Variants in CHD8 observed in about 807,000 individuals in gnomAD.
The protein encoded by CHD8 is ATP-dependent chromatin remodeler CHD8.
In CHD8, 31 loss-of-function variants were observed where a neutral mutation model predicts 279.2. That is an observed-to-expected ratio of 0.11 (90% CI 0.08 to 0.15). The LOEUF (loss-of-function observed/expected upper bound fraction) is 0.15. CHD8 is among the 10% of genes least tolerant of loss of function. The pLI, the probability that CHD8 is intolerant of heterozygous loss-of-function variation, is 1.00. For missense variants in CHD8, 2,146 were observed against 3,230.5 expected (o/e 0.66, Z 8.14); for synonymous variants, 1,081 against 1,139.6 (o/e 0.95, Z 1.04).
At chr14:21,409,056 T>C (rs986328843) in intron 11 of CHD8, among the ~76,000 whole-genome samples, 5 of 152,348 alleles carry the variant, frequency 3.3e-5, no homozygotes, top group Admixed American at 6.5e-5. Flanking sequence ...CCACCATCTA[T>C]GAAGCAGTTA....
intron 37 of CHD8, among the ~76,000 whole-genome samples, chr14:21,387,809 CAAAAA>C (rs34063784): frequency 0.077 from 5,887 of 76,318 alleles, 121 homozygotes; most frequent in Non-Finnish European, 0.11. Flanking sequence ...CTGTCTCAAG[CAAAAA>C]AAAAAAAAAA....
rs1224550477 is a variant in CHD8, at chr14:21,391,883, C to T, written c.6835G>A (p.Gly2279Arg). ...KLMANGVMGDGHPLFHKKKGN... is the reference protein window; with the variant it reads ...KLMANGVMGDRHPLFHKKKGN... ...TTCTTCTTATGAAACAGTGGATGTC[C>T]ATCTCCCATTACTCCATTCGCCATC... Residue 2279 changes from glycine to arginine, a missense_variant, in exon 35 of 38, where the codon GGA becomes AGA. Coordinates refer to ENST00000646647, the MANE Select transcript of CHD8 (RefSeq NM_001170629.2). 6.2e-7 allele frequency: 1 copy of T among 1,613,802 alleles called. No homozygotes were observed. The highest frequency in any genetic ancestry group is 1.3e-5 in the African/African-American group (1 of 74,914).
rs560511865 is a variant in CHD8 at position 21,424,434 on chromosome 14, T to C, written c.1716+1694A>G. Among the ~76,000 whole-genome samples, 7 of 152,282 alleles carry C rather than the reference T, an allele frequency of 4.6e-5. No homozygotes were observed. The East Asian group carries it at 1.3e-3, about 29-fold the overall frequency. Reference sequence around the variant, plus strand: ...TATATTCTAAAATTTTTTTTTGGCCTCATTTTCCTTTTTAAAACTTTCTCG... The same window carrying C: ...TATATTCTAAAATTTTTTTTTGGCCCCATTTTCCTTTTTAAAACTTTCTCG... On this transcript the variant is annotated intron_variant, in intron 5 of 37. Coordinates refer to ENST00000646647, the MANE Select transcript of CHD8 (RefSeq NM_001170629.2).
chr14:21,426,414 A>C, intron 4 of CHD8, 172 bp from the exon 5 acceptor site: 1 of 576,170 alleles, frequency 1.7e-6, no homozygotes, highest in Non-Finnish European at 3.1e-6. Flanking sequence ...AGAAGATATT[A>C]GGGTTTGTAA....
rs188980402 is a variant in CHD8, at chr14:21,441,700, A to C, written c.-215-9842T>G. On this transcript the variant is annotated intron_variant, in intron 1 of 37. Coordinates refer to ENST00000646647, the MANE Select transcript of CHD8 (RefSeq NM_001170629.2). ...TCAGGAGATGGAGACCATCCTGGCT[A>C]ACACGGTGAAACCCCGTCTCTACTA... is the stretch of plus-strand genomic sequence containing the variant. Among the ~76,000 whole-genome samples, 34 of 152,112 alleles carry C rather than the reference A, an allele frequency of 2.2e-4. No homozygotes were observed. The South Asian group carries it at 6.7e-3, about 30-fold the overall frequency.
intron 1 of CHD8, among the ~76,000 whole-genome samples, chr14:21,447,822 G>A (rs1890164268): frequency 6.6e-6 from 1 of 151,958 alleles, no homozygotes. Context: ...AATCTTTGGG[G>A]AACATTAGAC....
intron 37 of CHD8, among the ~76,000 whole-genome samples, chr14:21,386,771 A>G (rs186200770): frequency 3.4e-4 from 52 of 151,812 alleles, no homozygotes; most frequent in African/African-American, 1.2e-3. Flanking sequence ...CCCGGGAGGC[A>G]GAGCTTGCAG....
At position 21,394,972 on chromosome 14, in the gene CHD8, C is replaced by T. The variant is rs1566415049; in HGVS notation, c.5330G>A (p.Arg1777Lys). Residue 1777 changes from arginine (R) to lysine (K), a missense_variant, in exon 30 of 38, where the codon AGG (arginine) becomes AAG (lysine). This residue lies in a region of CHD8 where 513 missense variants were observed against 637.6 expected (regional missense o/e 0.80). Transcript: ENST00000646647. ...CTTGAAGGCTGCTTCACAACGCCGCCTTCGCCGGTCCCCACGTTCTGCAGC... is the reference window on the plus strand; with the variant it reads ...CTTGAAGGCTGCTTCACAACGCCGCTTTCGCCGGTCCCCACGTTCTGCAGC... ...IEAAERGDRR[R>K]RRCEAAFKLK... 2 of 1,614,038 alleles carry T rather than the reference C, an allele frequency of 1.2e-6. No individual in the cohort carries two copies. The highest frequency in any genetic ancestry group is 2.2e-5 in the South Asian group (2 of 91,084).
Position 21,394,270 on chromosome 14 carries a change from T to G in CHD8, c.5599+7A>C, listed in dbSNP as rs1290945601. 2.5e-6 allele frequency: 4 copies of G among 1,613,800 alleles called. No individual in the cohort carries two copies. The highest frequency in any genetic ancestry group is 1.3e-5 in the African/African-American group (1 of 74,908). On this transcript the variant is annotated splice_region_variant and intron_variant, in intron 31 of 37. Coordinates refer to ENST00000646647, the MANE Select transcript of CHD8 (RefSeq NM_001170629.2). ...TCCATCCTCACCCACTCTGCAATCT[T>G]GCTTACCATCTCCAGCTGCTGGGGG...
At chr14:21,440,507 A>T (rs1017884739) in intron 1 of CHD8, among the ~76,000 whole-genome samples, 4 of 152,020 alleles carry the variant, frequency 2.6e-5, no homozygotes, top group Non-Finnish European at 4.4e-5. Flanking sequence ...GCATCCAGCC[A>T]AGAAAATAGT....
intron 4 of CHD8, 182 bp downstream of exon 4, chr14:21,427,687 C>T: frequency 6.6e-7 from 1 of 1,503,846 alleles, no homozygotes. Flanking sequence ...GGAGTACTCA[C>T]TTGAGCTTAC....
intron 1 of CHD8, among the ~76,000 whole-genome samples, chr14:21,432,379 C>A (rs1166114123): frequency 1.3e-5 from 2 of 152,144 alleles, no homozygotes; most frequent in South Asian, 4.1e-4. Flanking sequence ...AGTGATCATA[C>A]AATTTTACCC....
At chr14:21,425,550 C>T (rs1889276050) in intron 5 of CHD8, 1 of 152,058 alleles carries the variant, frequency 6.6e-6, no homozygotes, top group Admixed American at 6.6e-5. Context: ...GTCTCCAACT[C>T]CTGACCTCAG....
intron 5 of CHD8, chr14:21,416,151 G>A (rs1594360256): frequency 2.7e-6 from 1 of 365,094 alleles, no homozygotes; most frequent in East Asian, 4.3e-5. Flanking sequence ...GTCCACTAGT[G>A]GCAAGAAGCT....
chr14:21,439,320 C>T (rs1398457186), intron 1 of CHD8, among the ~76,000 whole-genome samples: 3 of 152,314 alleles, frequency 2.0e-5, no homozygotes, highest in African/African-American at 7.2e-5. Flanking sequence ...CTCCTGTAAA[C>T]AGCAATACTG....
chr14:21,399,700 A>G lies in CHD8; in HGVS notation c.4823T>C (p.Ile1608Thr). 1.2e-6 allele frequency: 2 copies of G among 1,608,344 alleles called. No individual in the cohort carries two copies. The highest frequency in any genetic ancestry group is 1.7e-6 in the Non-Finnish European group (2 of 1,174,828). ...KVLGGAIASE[I>T]DIWFPVVDQL... ...ATCCACTACTGGGAACCATATGTCAATCTCACTAAAGGTATAAGAGGGCAG... is the reference window on the plus strand; with the variant it reads ...ATCCACTACTGGGAACCATATGTCAGTCTCACTAAAGGTATAAGAGGGCAG... The change falls in exon 26 of 38, where the codon ATT (isoleucine) becomes ACT (threonine). Residue 1608 changes from isoleucine (I) to threonine (T), a missense_variant. Ile to Thr is a moderately conservative substitution (Grantham distance 89). This residue lies in a region of CHD8 where 33 missense variants were observed against 34.8 expected (regional missense o/e 0.95). Coordinates refer to ENST00000646647, the MANE Select transcript of CHD8 (RefSeq NM_001170629.2).
In CHD8 at chr14:21,431,629, G is replaced by A; in HGVS notation, c.15C>T (p.Ile5=). The change falls in exon 2 of 38, where the codon ATC becomes ATT. Residue 5 remains isoleucine (I), a synonymous_variant. Coordinates refer to ENST00000646647, the MANE Select transcript of CHD8 (RefSeq NM_001170629.2). ...AATTTGGGTCATCGAACAGATCCAT[G>A]ATGGGGTCTGCCATCTTGGGAAAGT... MADP[I]MDLFDDPNLF... 3 of 1,540,392 alleles carry A rather than the reference G, an allele frequency of 1.9e-6. No individual in the cohort carries two copies. The highest frequency in any genetic ancestry group is 1.4e-5 in the African/African-American group (1 of 73,204).
intron 37 of CHD8, 82 bp downstream of exon 37, chr14:21,390,865 C>G (rs971170284): frequency 1.4e-6 from 1 of 714,812 alleles, no homozygotes; most frequent in African/African-American, 1.8e-5. Context: ...AGATAAATAA[C>G]ATTAGTCACA....
Position 21,415,936 on chromosome 14 carries a change from T to G in CHD8, c.1717-29A>C, listed in dbSNP as rs75322473. 2,853 of 1,576,918 alleles carry G rather than the reference T, an allele frequency of 1.8e-3. 51 individuals carry two copies. In the African/African-American group the frequency reaches 0.035, roughly 19 times the overall value. On this transcript the variant is annotated intron_variant, in intron 5 of 37. Coordinates refer to ENST00000646647, the MANE Select transcript of CHD8 (RefSeq NM_001170629.2). Reference sequence around the variant, plus strand: ...TAGAGCAAAAAGTAGTTAGAGTGACTAGTTAGGTCTCTCACAGAGAAGACT... The same window carrying G: ...TAGAGCAAAAAGTAGTTAGAGTGACGAGTTAGGTCTCTCACAGAGAAGACT...
Sources: allele counts gnomAD v4.1 joint callset (sites outside exome capture counted in the v4.1 genomes callset), GRCh38; gene constraint gnomAD v4.1.1; regional missense constraint gnomAD v4.1.1; transcripts MANE v1.5; gene names NCBI Gene and HGNC (gene_info 2026-07-23, HGNC 2026-07-21).